The following PDE6A variants were observed in gnomAD, a reference collection of about 807,000 sequenced individuals.
PDE6A encodes the protein phosphodiesterase 6A, also known as rod cGMP-specific 3',5'-cyclic phosphodiesterase subunit alpha.
PDE6A carries 84 observed loss-of-function variants against 106.3 expected under a neutral mutation model. The observed-to-expected ratio is 0.79, with a 90% CI of 0.66 to 0.95. The LOEUF is 0.95. Ranked by LOEUF, PDE6A falls within the 40% of genes least tolerant of loss-of-function variation. PDE6A has a pLI of 0.00. For synonymous variants in PDE6A, 394 were observed against 386.6 expected (o/e 1.02, Z -0.23); for missense variants, 1,052 against 1,084.9 (o/e 0.97, Z 0.43).
At chr5:149,891,814 G>GA (rs796289895) in intron 13 of PDE6A, among the ~76,000 whole-genome samples, 10 of 150,550 alleles carry the variant, frequency 6.6e-5, no homozygotes, top group South Asian at 4.2e-4. Flanking sequence ...AAAAAAAAAG[G>GA]AAAAAAAAAG....
At chr5:149,932,762 A>G (rs558342572) in intron 3 of PDE6A, 2 of 1,056,684 alleles carry the variant, frequency 1.9e-6, no homozygotes, top group South Asian at 2.8e-5. Flanking sequence ...TGTGCTTCAT[A>G]TTAAATCCTT....
rs773065850 is a variant in PDE6A, at chr5:149,884,531, T to TGGCATGCTCATGCTGTCGAC, written c.1955_1974dup (p.Ile659ValfsTer10). Reference sequence around the variant, plus strand: ...ATGATTGCAATGTCCATCATGTGGATGGCATGCTCATGCTGTCGACGATTG... The same window carrying TGGCATGCTCATGCTGTCGAC: ...ATGATTGCAATGTCCATCATGTGGATGGCATGCTCATGCTGTCGACGGCATGCTCATGCTGTCGACGATTG... On this transcript the variant is annotated frameshift_variant, in exon 16 of 22. Transcript: ENST00000255266. LOFTEE classifies it high-confidence loss of function. 5 of 1,613,864 alleles carry TGGCATGCTCATGCTGTCGAC rather than the reference T, an allele frequency of 3.1e-6. No homozygotes were observed. In the Admixed American group the frequency reaches 5.0e-5, roughly 16 times the overall value.
intron 6 of PDE6A, among the ~76,000 whole-genome samples, chr5:149,910,471 T>C (rs1202542094): frequency 6.6e-6 from 1 of 152,236 alleles, no homozygotes; most frequent in Admixed American, 6.5e-5. Flanking sequence ...AGATCAACAT[T>C]GCTCTTTTAG....
intron 17 of PDE6A, among the ~76,000 whole-genome samples, chr5:149,878,819 T>G (rs1215308756): frequency 6.6e-6 from 1 of 152,238 alleles, no homozygotes; most frequent in Non-Finnish European, 1.5e-5. Flanking sequence ...GCCCATTTTC[T>G]ATTGGATTAG....
intron 20 of PDE6A, 80 bp downstream of exon 20, chr5:149,866,090 G>A: frequency 9.9e-7 from 1 of 1,015,194 alleles, no homozygotes; most frequent in Non-Finnish European, 1.6e-6. Context: ...ACCTGCTAGG[G>A]TTTATTATTC....
In PDE6A at chr5:149,863,166, A is replaced by G. The variant is rs1171521572; in HGVS notation, c.2459T>C (p.Met820Thr). 1 of 1,614,090 alleles carries G rather than the reference A, an allele frequency of 6.2e-7. No homozygotes were observed. Among genetic ancestry groups the G allele is most frequent in the East Asian group, 2.2e-5 (1 of 44,880 alleles). Residue 820 changes from methionine (M) to threonine (T), a missense_variant, in exon 21 of 22, where the codon ATG becomes ACG. By Grantham distance (81) the Met-to-Thr change is moderately conservative. This residue lies in a region of PDE6A where 135 missense variants were observed against 153.2 expected (regional missense o/e 0.88). Transcript: ENST00000255266. This position sits in a 1 kb window ranked among gnomAD's most constrained non-coding sequence, Gnocchi z 4.7. ...KALADEYDAKMKVQEEKKQKQ... is the reference protein window; with the variant it reads ...KALADEYDAKTKVQEEKKQKQ... ...CTGCTTCTTCTCCTCCTGCACCTTC[A>G]TCTTGGCATCGTACTCATCAGCAAG...
At chr5:149,918,456 A>G (rs1445895409) in intron 5 of PDE6A, among the ~76,000 whole-genome samples, 1 of 152,216 alleles carries the variant, frequency 6.6e-6, no homozygotes, top group Non-Finnish European at 1.5e-5. Flanking sequence ...TGTTCCTGCA[A>G]AGAGAGTTTG....
intron 20 of PDE6A, among the ~76,000 whole-genome samples, chr5:149,865,101 G>GT (rs937430176): frequency 2.0e-5 from 3 of 152,092 alleles, no homozygotes; most frequent in African/African-American, 7.2e-5. Context: ...TTAGCCCGGT[G>GT]TGGTGGCACA....
intron 13 of PDE6A, among the ~76,000 whole-genome samples, chr5:149,891,585 T>C (rs183293357): frequency 1.7e-3 from 256 of 152,220 alleles, no homozygotes; most frequent in Non-Finnish European, 2.7e-3. Context: ...GAGGATCACT[T>C]GAGCCCAAGA....
In PDE6A at chr5:149,898,501, CA is replaced by C. The variant is rs1456336365; in HGVS notation, c.1268del (p.Leu423Ter). On this transcript the variant is annotated frameshift_variant, in exon 10 of 22. Transcript: ENST00000255266. LOFTEE classifies it high-confidence loss of function. ...AGACAGACCAGCCCAGAAATTGAGT[CA>C]AAGACTGAAAAAGAAAGAAAGGAGG... ...DEMDETLMES[L>X]TQFLGWSVLN... 9.9e-6 allele frequency: 16 copies of C among 1,613,010 alleles called. No homozygotes were observed. The highest frequency in any genetic ancestry group is 1.3e-5 in the Non-Finnish European group (15 of 1,179,922).
intron 7 of PDE6A, among the ~76,000 whole-genome samples, chr5:149,906,930 C>A (rs1753213846): frequency 6.6e-6 from 1 of 152,086 alleles, no homozygotes; most frequent in South Asian, 2.1e-4. Context: ...TGCCACCATG[C>A]CCAGCAAATT....
intron 8 of PDE6A, among the ~76,000 whole-genome samples, chr5:149,900,976 C>T (rs1752956449): frequency 6.6e-6 from 1 of 152,120 alleles, no homozygotes; most frequent in African/African-American, 2.4e-5. Flanking sequence ...AGTATAGTGG[C>T]ACTATCTCGG....
At chr5:149,884,423 T>C in intron 16 of PDE6A, 56 bp downstream of exon 16, 1 of 1,013,092 alleles carries the variant, frequency 9.9e-7, no homozygotes, top group East Asian at 2.4e-5. Context: ...TATATATATA[T>C]ATGCATACAT....
At chr5:149,876,287 T>C (rs574041856) in intron 17 of PDE6A, among the ~76,000 whole-genome samples, 2 of 152,040 alleles carry the variant, frequency 1.3e-5, no homozygotes, top group South Asian at 2.1e-4. Flanking sequence ...GGTTTATGAA[T>C]GAATATTTCT....
intron 14 of PDE6A, 121 bp downstream of exon 14, chr5:149,886,144 G>A: frequency 1.3e-6 from 1 of 750,100 alleles, no homozygotes; most frequent in Middle Eastern, 2.3e-4. Flanking sequence ...CCCAAGGGCA[G>A]AAGGCGGTGG....
At chr5:149,909,826 A>G (rs1753318099) in intron 6 of PDE6A, among the ~76,000 whole-genome samples, 1 of 152,132 alleles carries the variant, frequency 6.6e-6, no homozygotes, top group Non-Finnish European at 1.5e-5. Context: ...TGATTCTTTT[A>G]TCCATAGGTT....
chr5:149,885,016 G>C, intron 14 of PDE6A, 149 bp from the exon 15 acceptor site: 1 of 698,810 alleles, frequency 1.4e-6, no homozygotes, highest in Non-Finnish European at 2.6e-6. Context: ...CTACTAAATA[G>C]CATGGACCCC....
chr5:149,925,568 A>T (rs964202144), intron 4 of PDE6A, among the ~76,000 whole-genome samples: 8 of 152,130 alleles, frequency 5.3e-5, no homozygotes, highest in Admixed American at 1.3e-4. Context: ...TTAGCTGAGC[A>T]TGGTGGCCTG....
chr5:149,913,092 G>C (rs1046114340), intron 6 of PDE6A, among the ~76,000 whole-genome samples: 16 of 152,058 alleles, frequency 1.1e-4, no homozygotes, highest in African/African-American at 3.9e-4. Context: ...AAGATAATAA[G>C]GGAATCAGGC....
Sources: gnomAD v4.1 joint callset for allele counts (sites outside exome capture counted in the v4.1 genomes callset) on GRCh38, gnomAD v4.1.1 for gene constraint, gnomAD v4.1.1 regional missense constraint, Gnocchi (gnomAD v3.1) non-coding constraint, MANE v1.5 for transcripts, NCBI Gene and HGNC (gene_info 2026-07-23, HGNC 2026-07-21) for gene names.